ADAM23: variants seen among roughly 807,000 people sequenced by gnomAD.
The protein encoded by ADAM23 is ADAM metallopeptidase domain 23, also known as disintegrin and metalloproteinase domain-containing protein 23.
A neutral mutation model predicts 120.1 loss-of-function variants in ADAM23; 33 were observed. The ratio of observed to expected loss-of-function variants is 0.27; its 90% confidence interval spans 0.21 to 0.37. The LOEUF (loss-of-function observed/expected upper bound fraction) is 0.37. ADAM23 is among the 10% of genes least tolerant of loss of function. ADAM23 has a pLI of 1.00. For synonymous variants in ADAM23, 367 were observed against 375.2 expected (o/e 0.98, Z 0.25); for missense variants, 862 against 1,058.2 (o/e 0.81, Z 2.57).
chr2:206,521,035 C>A (rs1283403395), intron 3 of ADAM23, among the ~76,000 whole-genome samples: 3 of 152,036 alleles, frequency 2.0e-5, no homozygotes, highest in Non-Finnish European at 4.4e-5. Flanking sequence ...ATTTCCCTGT[C>A]CAAATTGTAT....
intron 18 of ADAM23, among the ~76,000 whole-genome samples, chr2:206,577,739 T>C (rs572818971): frequency 6.6e-6 from 1 of 150,902 alleles, no homozygotes; most frequent in African/African-American, 2.4e-5. Flanking sequence ...GCATGTGTCT[T>C]TATAGCAGCA....
intron 2 of ADAM23, among the ~76,000 whole-genome samples, chr2:206,450,381 A>G (rs966436945): frequency 2.0e-5 from 3 of 152,180 alleles, no homozygotes; most frequent in African/African-American, 7.2e-5. Flanking sequence ...TAATATATAG[A>G]ATTCAGGCTT....
At chr2:206,544,558 TA>T (rs1574524456) in intron 6 of ADAM23, among the ~76,000 whole-genome samples, 1 of 151,844 alleles carries the variant, frequency 6.6e-6, no homozygotes, top group Non-Finnish European at 1.5e-5. Flanking sequence ...TGTGGTATGT[TA>T]GATAGTGATA....
chr2:206,605,681 C>A, intron 24 of ADAM23: 1 of 656,786 alleles, frequency 1.5e-6, no homozygotes, highest in Non-Finnish European at 2.7e-6. Flanking sequence ...CAAAAAAATT[C>A]AATATTTAGC....
At chr2:206,615,171 A>G (rs1339060891) in intron 25 of ADAM23, among the ~76,000 whole-genome samples, 1 of 152,216 alleles carries the variant, frequency 6.6e-6, no homozygotes, top group Non-Finnish European at 1.5e-5. Flanking sequence ...AATTTTGTGT[A>G]GATGTTATGT....
intron 3 of ADAM23, among the ~76,000 whole-genome samples, chr2:206,522,985 A>G (rs2105791493): frequency 6.6e-6 from 1 of 152,236 alleles, no homozygotes; most frequent in East Asian, 1.9e-4. Flanking sequence ...GAAACGAAAC[A>G]TCTTTCATCT....
In ADAM23 at chr2:206,443,811, C is replaced by A; in HGVS notation, c.-56C>A. 1.0e-6 allele frequency: 1 copy of A among 998,400 alleles called. No homozygotes were observed. Among genetic ancestry groups the A allele is most frequent in the East Asian group, 8.7e-5 (1 of 11,440 alleles). 61.8% of individuals were successfully genotyped at this position (998,400 alleles called of 1,614,324 possible). On this transcript the variant is annotated 5_prime_UTR_variant, in exon 1 of 26. Coordinates refer to ENST00000264377, the MANE Select transcript of ADAM23 (RefSeq NM_003812.4). Reference sequence around the variant, plus strand: ...ACCGGCTCCGCCCGCGGCCGCCCCGCAGCTAGCCCGGCGCTCTCGCCGGCC... The same window carrying A: ...ACCGGCTCCGCCCGCGGCCGCCCCGAAGCTAGCCCGGCGCTCTCGCCGGCC...
chr2:206,551,336 A>G (rs1354683482), intron 9 of ADAM23, among the ~76,000 whole-genome samples: 1 of 152,146 alleles, frequency 6.6e-6, no homozygotes, highest in Non-Finnish European at 1.5e-5. Context: ...TCCAGCAACC[A>G]CTGCCACACT....
chr2:206,615,305 C>T (rs1443397627), intron 25 of ADAM23, among the ~76,000 whole-genome samples: 1 of 152,140 alleles, frequency 6.6e-6, no homozygotes, highest in African/African-American at 2.4e-5. Flanking sequence ...AAATACCTTA[C>T]AGGTTATGAG....
At chr2:206,580,221 C>T (rs1698196688) in intron 18 of ADAM23, among the ~76,000 whole-genome samples, 1 of 152,110 alleles carries the variant, frequency 6.6e-6, no homozygotes, top group Admixed American at 6.6e-5. Context: ...TTTCTCTTGT[C>T]TGATTGCTCT....
At chr2:206,595,772 A>G (rs1559281990) in intron 23 of ADAM23, among the ~76,000 whole-genome samples, 1 of 152,114 alleles carries the variant, frequency 6.6e-6, no homozygotes, top group Non-Finnish European at 1.5e-5. Context: ...TAAGAATAAC[A>G]TGAATAATTC....
chr2:206,540,750 G>T (rs996587812), intron 4 of ADAM23, among the ~76,000 whole-genome samples: 4 of 151,928 alleles, frequency 2.6e-5, no homozygotes, highest in Non-Finnish European at 4.4e-5. Flanking sequence ...AAGAAAAATT[G>T]GTTGAAAGTA....
At chr2:206,514,849 A>G (rs1480644442) in intron 3 of ADAM23, among the ~76,000 whole-genome samples, 2 of 152,228 alleles carry the variant, frequency 1.3e-5, no homozygotes, top group East Asian at 1.9e-4. Context: ...AATGATTACA[A>G]CTTGCTGAAG....
chr2:206,447,281 A>G (rs1184168552), intron 2 of ADAM23, among the ~76,000 whole-genome samples: 1 of 152,222 alleles, frequency 6.6e-6, no homozygotes, highest in African/African-American at 2.4e-5. Context: ...TGTACTTTGA[A>G]AAGAATGTTT....
At chr2:206,582,848 T>A (rs1230598195) in intron 18 of ADAM23, among the ~76,000 whole-genome samples, 1 of 152,212 alleles carries the variant, frequency 6.6e-6, no homozygotes, top group Non-Finnish European at 1.5e-5. Context: ...AATTCTTGGC[T>A]AATAACTGTT....
intron 24 of ADAM23, among the ~76,000 whole-genome samples, chr2:206,602,941 C>A (rs1698666673): frequency 6.6e-6 from 1 of 152,048 alleles, no homozygotes; most frequent in Non-Finnish European, 1.5e-5. Flanking sequence ...ACAGATTCCA[C>A]AAACACATTA....
chr2:206,454,919 A>C (rs1695265086), intron 2 of ADAM23, among the ~76,000 whole-genome samples: 2 of 152,166 alleles, frequency 1.3e-5, no homozygotes, highest in Non-Finnish European at 2.9e-5. Context: ...ATGGGCTGGC[A>C]TTGAGTGCCC....
intron 23 of ADAM23, 98 bp downstream of exon 23, chr2:206,595,003 A>G (rs140697642): frequency 1.4e-6 from 2 of 1,480,468 alleles, no homozygotes; most frequent in African/African-American, 2.8e-5. Context: ...CAACATGGTG[A>G]AACACCATCT....
intron 18 of ADAM23, among the ~76,000 whole-genome samples, chr2:206,576,266 G>T (rs1311676519): frequency 3.7e-5 from 3 of 81,106 alleles, no homozygotes; most frequent in Non-Finnish European, 8.0e-5. Context: ...TACCATATAT[G>T]GTTTTAAAAA....
Sources: gnomAD v4.1 joint callset for allele counts (sites outside exome capture counted in the v4.1 genomes callset) on GRCh38, gnomAD v4.1.1 for gene constraint, MANE v1.5 for transcripts, NCBI Gene and HGNC (gene_info 2026-07-23, HGNC 2026-07-21) for gene names.